RASA3: variants seen among roughly 807,000 people sequenced by gnomAD.
The protein encoded by RASA3 is ras GTPase-activating protein 3.
In RASA3, 73 loss-of-function variants were observed where a neutral mutation model predicts 110.0. The ratio of observed to expected loss-of-function variants is 0.66; its 90% CI spans 0.55 to 0.81. The LOEUF is 0.81. RASA3 is among the 30% of genes least tolerant of loss of function. The pLI, the probability that RASA3 is intolerant of heterozygous loss-of-function variation, is 0.00. For missense variants in RASA3, 976 were observed against 1,113.2 expected (o/e 0.88, Z 1.75); for synonymous variants, 500 against 451.4 (o/e 1.11, Z -1.37).
At chr13:114,003,344 C>T (rs555264844) in intron 18 of RASA3, among the ~76,000 whole-genome samples, 16 of 152,236 alleles carry the variant, frequency 1.1e-4, no homozygotes, top group African/African-American at 3.1e-4. Context: ...ACCTGGGAGG[C>T]GCCTGTCCTT....
chr13:114,026,555 A>T (rs911947178), intron 7 of RASA3, among the ~76,000 whole-genome samples: 2 of 151,808 alleles, frequency 1.3e-5, no homozygotes, highest in African/African-American at 4.8e-5. Context: ...AGTGGGTCCT[A>T]CTCAGTCAGG....
intron 1 of RASA3, among the ~76,000 whole-genome samples, chr13:114,125,019 G>A (rs921985890): frequency 6.6e-6 from 1 of 152,168 alleles, no homozygotes; most frequent in African/African-American, 2.4e-5. Context: ...AGCAGGCTGT[G>A]TGGGTCTTAT....
chr13:114,129,240 G>C (rs979688474), intron 1 of RASA3, among the ~76,000 whole-genome samples: 41 of 152,216 alleles, frequency 2.7e-4, no homozygotes, highest in Admixed American at 2.7e-3. Context: ...TACTGTGAAA[G>C]GTTAATGACT....
chr13:114,060,131 C>T (rs567370747), intron 2 of RASA3, among the ~76,000 whole-genome samples: 4 of 152,300 alleles, frequency 2.6e-5, no homozygotes, highest in African/African-American at 9.6e-5. Flanking sequence ...GTGCGAAGGC[C>T]TCGAGGCAGC....
At chr13:114,031,674 G>C (rs573407207) in intron 4 of RASA3, among the ~76,000 whole-genome samples, 2 of 152,124 alleles carry the variant, frequency 1.3e-5, no homozygotes, top group African/African-American at 2.4e-5. Context: ...TGTGTGTGCC[G>C]CTGTCCCTGT....
intron 1 of RASA3, among the ~76,000 whole-genome samples, chr13:114,095,214 G>A (rs1271361422): frequency 1.3e-5 from 2 of 151,998 alleles, no homozygotes; most frequent in East Asian, 3.8e-4. Flanking sequence ...AATAATTTGG[G>A]GCTTTTCAGT....
intron 21 of RASA3, among the ~76,000 whole-genome samples, chr13:113,996,180 A>G (rs1033673010): frequency 1.3e-5 from 2 of 152,090 alleles, no homozygotes; most frequent in African/African-American, 4.8e-5. Flanking sequence ...GGCCAGACGA[A>G]GCTTTCAGGG....
intron 4 of RASA3, among the ~76,000 whole-genome samples, chr13:114,038,914 A>G (rs1425287955): frequency 6.6e-6 from 1 of 152,210 alleles, no homozygotes; most frequent in African/African-American, 2.4e-5. Context: ...AAGTCCTCAC[A>G]AGGAACCTAT....
chr13:114,097,162 A>C (rs2079957529), intron 1 of RASA3, among the ~76,000 whole-genome samples: 1 of 152,222 alleles, frequency 6.6e-6, no homozygotes. Context: ...ATATGGGCTG[A>C]CCAAATGAGC....
chr13:114,027,487 G>A (rs1433547071), intron 6 of RASA3, 26 bp from the exon 7 acceptor site: 8 of 1,569,312 alleles, frequency 5.1e-6, no homozygotes, highest in Non-Finnish European at 7.0e-6. Flanking sequence ...AAAGGATTGG[G>A]ATTAAAACAA....
At chr13:114,007,662 G>T in intron 17 of RASA3, 56 bp from the exon 18 acceptor site, 4 of 1,404,308 alleles carry the variant, frequency 2.8e-6, no homozygotes, top group Non-Finnish European at 4.0e-6. Context: ...GACGTGCACG[G>T]CTCTCTGTAT....
In RASA3 at chr13:114,003,969, C is replaced by T. The variant is rs543886470; in HGVS notation, c.1743-3037G>A. 2.6e-5 allele frequency among the ~76,000 whole-genome samples: 4 copies of T among 152,268 alleles called. No homozygotes were observed. The South Asian group carries it at 6.2e-4, about 24-fold the overall frequency. On this transcript the variant is annotated intron_variant, in intron 18 of 23. Transcript: ENST00000334062. ...TTTCTGCAGAAAGTAAAAATTGCCT[C>T]GCTGAAAGAACTTTTTGTCTAAATG... is the stretch of plus-strand genomic sequence containing the variant.
intron 1 of RASA3, among the ~76,000 whole-genome samples, chr13:114,092,421 C>T (rs939030239): frequency 6.6e-6 from 1 of 152,090 alleles, no homozygotes; most frequent in Non-Finnish European, 1.5e-5. Context: ...CTTCCCTGAC[C>T]CACTGGTCAT....
At chr13:114,093,494 C>T (rs2079909724) in intron 1 of RASA3, among the ~76,000 whole-genome samples, 1 of 152,222 alleles carries the variant, frequency 6.6e-6, no homozygotes, top group Non-Finnish European at 1.5e-5. Flanking sequence ...GACATCATCT[C>T]TTTGATCTTT....
intron 1 of RASA3, among the ~76,000 whole-genome samples, chr13:114,130,677 C>G (rs759071134): frequency 6.6e-6 from 1 of 152,232 alleles, no homozygotes; most frequent in Non-Finnish European, 1.5e-5. Context: ...CTGTAAAGTC[C>G]TGCCGTGGCC....
chr13:114,017,474 T>C, intron 11 of RASA3, 123 bp from the exon 12 acceptor site: 1 of 776,494 alleles, frequency 1.3e-6, no homozygotes, highest in Non-Finnish European at 2.2e-6. Flanking sequence ...TCAGTCGGCT[T>C]CCTGACATTT....
chr13:114,007,703 T>G, intron 17 of RASA3, 97 bp from the exon 18 acceptor site: 1 of 1,001,988 alleles, frequency 1.0e-6, no homozygotes, highest in South Asian at 1.3e-5. Flanking sequence ...CTGCCTCCTT[T>G]GTAATACCAG....
intron 1 of RASA3, among the ~76,000 whole-genome samples, chr13:114,113,550 C>G (rs992160273): frequency 6.6e-6 from 1 of 152,220 alleles, no homozygotes; most frequent in Non-Finnish European, 1.5e-5. Flanking sequence ...ACATTGTGTC[C>G]ACCAATCCAC....
intron 9 of RASA3, 62 bp downstream of exon 9, chr13:114,021,342 G>A: frequency 6.8e-7 from 1 of 1,470,016 alleles, no homozygotes; most frequent in Non-Finnish European, 9.5e-7. Context: ...TCCACTCAGA[G>A]GCAGCACGTG....
Sources: allele counts gnomAD v4.1 joint callset (sites outside exome capture counted in the v4.1 genomes callset), GRCh38; gene constraint gnomAD v4.1.1; transcripts MANE v1.5; gene names NCBI Gene and HGNC (gene_info 2026-07-23, HGNC 2026-07-21).